The following NFIB variants were observed in gnomAD, a reference collection of about 807,000 sequenced individuals.
The protein encoded by NFIB is nuclear factor I B, also known as nuclear factor 1 B-type.
Under a neutral mutation model 61.5 loss-of-function variants are expected in NFIB, and 11 were observed. That is an observed-to-expected ratio of 0.18 (90% confidence interval 0.11 to 0.30). The LOEUF is 0.30. Among genes scored for constraint, NFIB ranks in the 10% least tolerant of loss-of-function variants. The pLI, the probability that NFIB is intolerant of heterozygous loss-of-function variation, is 1.00. For missense variants in NFIB, 471 were observed against 608.9 expected, an observed-to-expected ratio of 0.77 and a Z score of 2.38; for synonymous variants, 260 against 216.5, an observed-to-expected ratio of 1.20 and a Z score of -1.76.
At chr9:14,112,904 G>A in intron 10 of NFIB, 95 bp downstream of exon 10, 1 of 1,154,870 alleles carries the variant, frequency 8.7e-7, no homozygotes, top group Non-Finnish European at 1.2e-6. Flanking sequence ...GAAGCCCCGG[G>A]AGCCCCCTTC....
At chr9:14,198,685 C>G (rs1039506393) in intron 2 of NFIB, among the ~76,000 whole-genome samples, 9 of 152,184 alleles carry the variant, frequency 5.9e-5, no homozygotes, top group African/African-American at 2.2e-4. Flanking sequence ...ATGCTGGGGC[C>G]AAGAAAGCGC....
chr9:14,165,852 G>T (rs1307856770), intron 3 of NFIB, among the ~76,000 whole-genome samples: 2 of 152,146 alleles, frequency 1.3e-5, no homozygotes, highest in Non-Finnish European at 2.9e-5. Flanking sequence ...GGGCTGGGGA[G>T]AGTAGGGAAT....
upstream of NFIB, among the ~76,000 whole-genome samples, chr9:14,401,666 GAA>G (rs1236765158): frequency 2.6e-5 from 4 of 152,174 alleles, no homozygotes; most frequent in African/African-American, 9.7e-5. Context: ...TGTTTAATTA[GAA>G]ACACTAGTTT....
intron 2 of NFIB, among the ~76,000 whole-genome samples, chr9:14,252,934 C>T (rs898532841): frequency 9.0e-6 from 1 of 110,938 alleles, no homozygotes; most frequent in African/African-American, 3.5e-5. Flanking sequence ...GTGATGGATG[C>T]ATGGAAGGAA....
At chr9:14,495,737 A>G in the NFIB span, among the ~76,000 whole-genome samples, 29 of 152,190 alleles carry the variant, frequency 1.9e-4, no homozygotes, top group Non-Finnish European at 3.7e-4. Context: ...CTTAGTGTAC[A>G]AGAAAAGCCT....
chr9:14,418,166 A>G, the NFIB span, among the ~76,000 whole-genome samples: 1 of 152,148 alleles, frequency 6.6e-6, no homozygotes, highest in African/African-American at 2.4e-5. Flanking sequence ...AATATAATCT[A>G]TATCAGAACT....
At chr9:14,124,327 T>C (rs1385645787) in intron 7 of NFIB, among the ~76,000 whole-genome samples, 2 of 152,180 alleles carry the variant, frequency 1.3e-5, no homozygotes, top group Non-Finnish European at 2.9e-5. Flanking sequence ...CAGTTACTGA[T>C]TTTTTCACCT....
chr9:14,287,944 CATT>C (rs1167257885), intron 2 of NFIB, among the ~76,000 whole-genome samples: 6 of 151,966 alleles, frequency 3.9e-5, no homozygotes, highest in Non-Finnish European at 8.8e-5. Context: ...AAACAAAAAC[CATT>C]TTTTCTTCTG....
At chr9:14,444,737 G>T in the NFIB span, among the ~76,000 whole-genome samples, 1 of 152,030 alleles carries the variant, frequency 6.6e-6, no homozygotes, top group Non-Finnish European at 1.5e-5. Flanking sequence ...AAATATGTCA[G>T]AAGAATATAA....
chr9:14,512,419 GTTTC>G, the NFIB span, among the ~76,000 whole-genome samples: 1 of 151,956 alleles, frequency 6.6e-6, no homozygotes, highest in African/African-American at 2.4e-5. Context: ...ATTTTTGCCT[GTTTC>G]TTTGAGACAG....
intron 1 of NFIB, among the ~76,000 whole-genome samples, chr9:14,312,436 C>G (rs1413345500): frequency 6.6e-6 from 1 of 152,170 alleles, no homozygotes; most frequent in Non-Finnish European, 1.5e-5. Flanking sequence ...ACACATCTTC[C>G]GAAAAGCTGA....
intron 2 of NFIB, among the ~76,000 whole-genome samples, chr9:14,199,613 T>G (rs1269987984): frequency 6.6e-6 from 1 of 152,240 alleles, no homozygotes; most frequent in African/African-American, 2.4e-5. Flanking sequence ...GGAGTCTCAT[T>G]ATGCTTATAG....
At chr9:14,282,853 T>C (rs183559195) in intron 2 of NFIB, among the ~76,000 whole-genome samples, 5 of 152,324 alleles carry the variant, frequency 3.3e-5, no homozygotes, top group Admixed American at 1.3e-4. Context: ...TTAACCACTG[T>C]TGTATGAACT....
At chr9:14,398,169 C>T (rs968696332) in intron 1 of NFIB, among the ~76,000 whole-genome samples, 1 of 152,088 alleles carries the variant, frequency 6.6e-6, no homozygotes, top group African/African-American at 2.4e-5. Flanking sequence ...ATCTTCATTT[C>T]GTGGATTATT....
chr9:14,435,887 T>A, the NFIB span, among the ~76,000 whole-genome samples: 3 of 152,210 alleles, frequency 2.0e-5, no homozygotes, highest in African/African-American at 7.2e-5. Context: ...GGAATAACTT[T>A]CTCTTCACAG....
At chr9:14,456,109 T>C in the NFIB span, among the ~76,000 whole-genome samples, 1 of 152,142 alleles carries the variant, frequency 6.6e-6, no homozygotes, top group African/African-American at 2.4e-5. Flanking sequence ...TCGATCATAA[T>C]ACCATTTCTG....
At chr9:14,200,933 C>A (rs1236756453) in intron 2 of NFIB, among the ~76,000 whole-genome samples, 1 of 152,156 alleles carries the variant, frequency 6.6e-6, no homozygotes, top group African/African-American at 2.4e-5. Context: ...TCCCCGCAAC[C>A]AATCCATATC....
intron 6 of NFIB, among the ~76,000 whole-genome samples, chr9:14,128,051 T>C (rs945530468): frequency 1.3e-5 from 2 of 152,062 alleles, no homozygotes; most frequent in Admixed American, 6.6e-5. Flanking sequence ...CTCATTTTGC[T>C]ATCTTCAAGA....
At chr9:14,131,542 C>G (rs1445673041) in intron 6 of NFIB, among the ~76,000 whole-genome samples, 2 of 152,146 alleles carry the variant, frequency 1.3e-5, no homozygotes, top group African/African-American at 2.4e-5. Flanking sequence ...GTACTCGACT[C>G]ATCGGCAGCT....
Sources: gnomAD v4.1 joint callset for allele counts (sites outside exome capture counted in the v4.1 genomes callset) on GRCh38, gnomAD v4.1.1 for gene constraint, MANE v1.5 for transcripts, NCBI Gene and HGNC (gene_info 2026-07-23, HGNC 2026-07-21) for gene names.